The following ATXN7L1 variants were observed in gnomAD, a reference collection of about 807,000 sequenced individuals.
ATXN7L1 encodes ataxin 7 like 1.
A neutral mutation model predicts 70.8 loss-of-function variants in ATXN7L1; 15 were observed. The observed-to-expected ratio is 0.21, with a 90% CI of 0.14 to 0.33. The LOEUF is 0.33. Among genes scored for constraint, ATXN7L1 ranks in the 10% least tolerant of loss-of-function variants. The pLI, the probability that ATXN7L1 is intolerant of heterozygous loss-of-function variation, is 1.00. For missense variants in ATXN7L1, 975 were observed against 1,097.1 expected (o/e 0.89, Z 1.57); for synonymous variants, 440 against 445.1 (o/e 0.99, Z 0.14).
Position 105,876,523 on chromosome 7 carries a change from CGA to C in ATXN7L1, c.34_35del (p.Ser12GlyfsTer69), listed in dbSNP as rs1458563663. On this transcript the variant is annotated frameshift_variant, in exon 1 of 12. Coordinates refer to ENST00000419735, the MANE Select transcript of ATXN7L1 (RefSeq NM_020725.2). LOFTEE classifies it high-confidence loss of function. ...TSERSRIPCLSAAAAEGTGKK... is the reference protein window; with the variant it reads ...TSERSRIPCLXAAAAEGTGKK... The stretch of plus-strand genomic sequence containing the variant: ...TCCCTGTTCCTTCGGCAGCAGCAGC[CGA>C]GAGACACGGGATTCGAGAACGCTCC... 1.2e-6 allele frequency: 2 copies of C among 1,610,498 alleles called. No homozygotes were observed. Among genetic ancestry groups the C allele is most frequent in the African/African-American group, 1.3e-5 (1 of 74,272 alleles).
At chr7:105,870,755 C>T (rs576280120) in intron 2 of ATXN7L1, among the ~76,000 whole-genome samples, 3 of 152,032 alleles carry the variant, frequency 2.0e-5, no homozygotes, top group Non-Finnish European at 4.4e-5. Context: ...GAAGAATGGC[C>T]GTCCTTGGAA....
intron 2 of ATXN7L1, among the ~76,000 whole-genome samples, chr7:105,854,812 G>C (rs1211820915): frequency 6.6e-6 from 1 of 152,152 alleles, no homozygotes; most frequent in African/African-American, 2.4e-5. Flanking sequence ...CAGGAATGTG[G>C]TGAGCCAATT....
intron 2 of ATXN7L1, among the ~76,000 whole-genome samples, chr7:105,818,424 G>A (rs1809528212): frequency 6.6e-6 from 1 of 152,188 alleles, no homozygotes; most frequent in South Asian, 2.1e-4. Context: ...CCAAAGTGCT[G>A]GGATTACAGC....
At chr7:105,760,484 A>T (rs2116411050) in intron 3 of ATXN7L1, 5 of 985,780 alleles carry the variant, frequency 5.1e-6, no homozygotes, top group Non-Finnish European at 6.0e-6. Flanking sequence ...TCTCCTATAT[A>T]CTGGTGAGGT....
Position 105,638,607 on chromosome 7 carries a change from T to C in ATXN7L1, c.948A>G (p.Thr316=), listed in dbSNP as rs1324607135. 6.5e-7 allele frequency: 1 copy of C among 1,549,390 alleles called. No homozygotes were observed. The highest frequency in any genetic ancestry group is 8.7e-7 in the Non-Finnish European group (1 of 1,145,622). Residue 316 remains threonine, a splice_region_variant and synonymous_variant, in exon 7 of 12, where the codon ACA becomes ACG. Transcript: ENST00000419735. ...CTGCCCTCCGATGGCTTAGCGAATGTGTCTAAGGAGAAGAGAAATGAAAAG... is the reference window on the plus strand; with the variant it reads ...CTGCCCTCCGATGGCTTAGCGAATGCGTCTAAGGAGAAGAGAAATGAAAAG... ...KPCTRSLTCK[T]HSLSHRRAVP...
At chr7:105,693,438 C>T (rs1364510334) in intron 3 of ATXN7L1, among the ~76,000 whole-genome samples, 2 of 152,136 alleles carry the variant, frequency 1.3e-5, no homozygotes, top group Admixed American at 6.5e-5. Context: ...GCAGTCCTCC[C>T]GCTTGGGCCT....
intron 3 of ATXN7L1, among the ~76,000 whole-genome samples, chr7:105,728,855 G>C (rs1389426704): frequency 6.6e-6 from 1 of 152,182 alleles, no homozygotes; most frequent in Non-Finnish European, 1.5e-5. Flanking sequence ...ACTTGAAAGA[G>C]CTTCCAGTGG....
chr7:105,767,279 G>C (rs1258098932), intron 3 of ATXN7L1, among the ~76,000 whole-genome samples: 1 of 152,068 alleles, frequency 6.6e-6, no homozygotes, highest in Non-Finnish European at 1.5e-5. Flanking sequence ...GTAGAAGGGA[G>C]GCCCACCGGG....
chr7:105,872,221 T>C (rs1322852888), intron 2 of ATXN7L1, among the ~76,000 whole-genome samples: 1 of 152,188 alleles, frequency 6.6e-6, no homozygotes, highest in East Asian at 1.9e-4. Flanking sequence ...CTCGATCTCC[T>C]GACCTCCTGA....
intron 3 of ATXN7L1, among the ~76,000 whole-genome samples, chr7:105,695,801 C>T (rs148779475): frequency 6.1e-4 from 93 of 152,306 alleles, no homozygotes; most frequent in East Asian, 4.4e-3. Flanking sequence ...GCCAAATGGA[C>T]ACACGCACAG....
At chr7:105,826,003 C>T (rs750551629) in intron 2 of ATXN7L1, among the ~76,000 whole-genome samples, 3 of 152,004 alleles carry the variant, frequency 2.0e-5, no homozygotes, top group African/African-American at 4.8e-5. Flanking sequence ...TGGAAGGTTC[C>T]GAGATCCTAA....
At chr7:105,641,747 G>A (rs1798293080) in intron 5 of ATXN7L1, among the ~76,000 whole-genome samples, 1 of 152,374 alleles carries the variant, frequency 6.6e-6, no homozygotes, top group South Asian at 2.1e-4. Context: ...AGAGCACCAG[G>A]CTCTACCTTT....
rs1462171972 is a variant in ATXN7L1, at chr7:105,727,760, A to G, written c.355+60844T>C. Among the ~76,000 whole-genome samples the G allele has an allele frequency of 4.4e-4, 40 of 90,360 alleles. 2 individuals carry two copies. The highest frequency in any genetic ancestry group is 1.3e-3 in the Admixed American group (10 of 7,750). The allele number at this position is 90,360 out of a possible 152,430, so 59.3% of individuals were successfully genotyped here. A position where few individuals can be genotyped will look rare whatever the true frequency, so the allele number is the denominator to read the frequency against. ...TGTGTATGTGTGTATATATATATAT[A>G]TATATATATATATATATACACACAC... On this transcript the variant is annotated intron_variant, in intron 3 of 11. Coordinates refer to ENST00000419735, the MANE Select transcript of ATXN7L1 (RefSeq NM_020725.2).
intron 3 of ATXN7L1, among the ~76,000 whole-genome samples, chr7:105,763,399 C>T (rs1800795071): frequency 6.6e-6 from 1 of 152,248 alleles, no homozygotes; most frequent in South Asian, 2.1e-4. Flanking sequence ...TGCAATTCCA[C>T]TCTTGCCTGC....
chr7:105,808,583 A>C (rs1807950520), intron 2 of ATXN7L1, among the ~76,000 whole-genome samples: 1 of 152,360 alleles, frequency 6.6e-6, no homozygotes, highest in East Asian at 1.9e-4. Context: ...TCAGCACCTA[A>C]AATGCCTAAG....
At chr7:105,630,446 C>A (rs1024311722) in intron 7 of ATXN7L1, among the ~76,000 whole-genome samples, 1 of 152,136 alleles carries the variant, frequency 6.6e-6, no homozygotes, top group Non-Finnish European at 1.5e-5. Context: ...TAGAAAAGGA[C>A]ATGAGAAATT....
At chr7:105,733,853 T>C (rs113897245) in intron 3 of ATXN7L1, among the ~76,000 whole-genome samples, 46 of 90,102 alleles carry the variant, frequency 5.1e-4, no homozygotes, top group Admixed American at 1.0e-3. Context: ...CATCCATCCA[T>C]CCATCCATCC....
intron 3 of ATXN7L1, among the ~76,000 whole-genome samples, chr7:105,695,627 T>C (rs1274223684): frequency 6.6e-6 from 1 of 152,184 alleles, no homozygotes; most frequent in Non-Finnish European, 1.5e-5. Context: ...ATATCCACGG[T>C]GCACCACTGC....
rs71155465 is a variant in ATXN7L1, at chr7:105,657,702, CAAAAAA to C, written c.578+7358_578+7363del. ...TGGGTGACAGAGTGAGACCCTGTCT[CAAAAAA>C]AAAAAAAAAAAAAAAAAAAAAAAGA... On this transcript the variant is annotated intron_variant, in intron 4 of 11. Coordinates refer to ENST00000419735, the MANE Select transcript of ATXN7L1 (RefSeq NM_020725.2). Among the ~76,000 whole-genome samples, 62 of 26,108 alleles carry C rather than the reference CAAAAAA, an allele frequency of 2.4e-3. 1 individual carries two copies. The highest frequency in any genetic ancestry group is 3.2e-3 in the Non-Finnish European group (50 of 15,526). The allele number at this position is 26,108 out of a possible 152,430, so 17.1% of individuals were successfully genotyped here.
Sources: allele counts gnomAD v4.1 joint callset (sites outside exome capture counted in the v4.1 genomes callset), GRCh38; gene constraint gnomAD v4.1.1; transcripts MANE v1.5; gene names NCBI Gene and HGNC (gene_info 2026-07-23, HGNC 2026-07-21).